The following SPATA6L variants were observed in gnomAD, a reference collection of about 807,000 sequenced individuals.
SPATA6L encodes the protein spermatogenesis associated 6-like protein.
SPATA6L carries 68 observed loss-of-function variants against 49.2 expected under a neutral mutation model. That is an observed-to-expected ratio of 1.38 (90% CI 1.14 to 1.69). The LOEUF is 1.69. Ranked by LOEUF, SPATA6L falls within the 40% of genes most tolerant of loss-of-function variation. The probability of loss-of-function intolerance (pLI) is 0.00; values close to 1 mark genes in which losing one functional copy is unlikely to be tolerated. For missense variants in SPATA6L, 668 were observed against 464.3 expected, an observed-to-expected ratio of 1.44 and a Z score of -4.03; for synonymous variants, 198 against 165.7, an observed-to-expected ratio of 1.19 and a Z score of -1.50.
chr9:4,612,325 C>G (rs748119882), intron 9 of SPATA6L, among the ~76,000 whole-genome samples: 11 of 152,136 alleles, frequency 7.2e-5, no homozygotes, highest in Non-Finnish European at 1.6e-4. Context: ...ATCTCATTTA[C>G]TTTAGGCCAC....
At chr9:4,648,307 C>G (rs1835900564) in intron 3 of SPATA6L, among the ~76,000 whole-genome samples, 1 of 152,144 alleles carries the variant, frequency 6.6e-6, no homozygotes, top group South Asian at 2.1e-4. Flanking sequence ...CAACCATCAC[C>G]CCAATAGTAA....
chr9:4,616,577 C>T (rs140110569), intron 9 of SPATA6L, among the ~76,000 whole-genome samples: 1 of 152,206 alleles, frequency 6.6e-6, no homozygotes, highest in African/African-American at 2.4e-5. Context: ...TGTGCCAGAG[C>T]CAGTTTTTTG....
intron 9 of SPATA6L, among the ~76,000 whole-genome samples, chr9:4,615,560 A>AG (rs1827786338): frequency 6.6e-6 from 1 of 152,142 alleles, no homozygotes; most frequent in African/African-American, 2.4e-5. Context: ...ACCATCTAAC[A>AG]CATATTTAAA....
chr9:4,623,144 G>T (rs966069772), intron 6 of SPATA6L, among the ~76,000 whole-genome samples: 8 of 152,252 alleles, frequency 5.3e-5, no homozygotes, highest in Admixed American at 5.2e-4. Flanking sequence ...GCTGGGCTTG[G>T]TGGCGCATGC....
chr9:4,592,202 C>A (rs545147221), intron 13 of SPATA6L, among the ~76,000 whole-genome samples: 20 of 151,750 alleles, frequency 1.3e-4, no homozygotes, highest in African/African-American at 4.6e-4. Context: ...GTAGTCCCAG[C>A]TACTCGGGAG....
At chr9:4,640,091 A>T (rs1021603281) in intron 3 of SPATA6L, among the ~76,000 whole-genome samples, 2 of 152,252 alleles carry the variant, frequency 1.3e-5, no homozygotes, top group African/African-American at 4.8e-5. Context: ...AAGCCCTGTT[A>T]AGTGAATGGG....
chr9:4,595,200 G>A (rs1278737688), downstream of SPATA6L, among the ~76,000 whole-genome samples: 3 of 152,006 alleles, frequency 2.0e-5, no homozygotes, highest in South Asian at 2.1e-4. Flanking sequence ...CCAGGCCACC[G>A]GACTTAACCA....
chr9:4,601,973 A>G (rs560328084), intron 11 of SPATA6L, among the ~76,000 whole-genome samples: 2 of 152,284 alleles, frequency 1.3e-5, no homozygotes, highest in Admixed American at 6.5e-5. Flanking sequence ...AAGCTTCACT[A>G]AAATGACCCT....
At chr9:4,635,753 A>G (rs1037150866) in intron 3 of SPATA6L, among the ~76,000 whole-genome samples, 5 of 152,270 alleles carry the variant, frequency 3.3e-5, no homozygotes, top group African/African-American at 1.2e-4. Context: ...CAAGGTGGAC[A>G]TAGCATTGTT....
chr9:4,624,293 GA>G (rs1564194098), intron 6 of SPATA6L, among the ~76,000 whole-genome samples: 1 of 152,090 alleles, frequency 6.6e-6, no homozygotes, highest in African/African-American at 2.4e-5. Flanking sequence ...CAACTTTGTG[GA>G]AAAAATAAAG....
At chr9:4,638,781 TTTTCTTTTC>T (rs1420401528) in intron 3 of SPATA6L, among the ~76,000 whole-genome samples, 10 of 140,822 alleles carry the variant, frequency 7.1e-5, no homozygotes, top group African/African-American at 2.8e-4. Flanking sequence ...TTTTCTTTTC[TTTTCTTTTC>T]TTTTTTTTTT....
At chr9:4,650,696 G>C (rs746445873) in intron 3 of SPATA6L, among the ~76,000 whole-genome samples, 1 of 152,132 alleles carries the variant, frequency 6.6e-6, no homozygotes, top group Non-Finnish European at 1.5e-5. Flanking sequence ...GTCTTGCTCT[G>C]TCGCCCAGGC....
intron 5 of SPATA6L, chr9:4,626,500 T>C: frequency 7.7e-7 from 1 of 1,304,396 alleles, no homozygotes; most frequent in African/African-American, 1.5e-5. Flanking sequence ...GTTCAGTTTC[T>C]TCTTTAAGCT....
chr9:4,635,411 A>C lies in SPATA6L; in HGVS notation c.227-12T>G. On this transcript the variant is annotated splice_polypyrimidine_tract_variant and intron_variant, in intron 3 of 11. Coordinates refer to ENST00000682582, the MANE Select transcript of SPATA6L (RefSeq NM_001353486.2). ...CAACTCATCCCACACTAGAAAGAAA[A>C]TAGAAAAAGCATAAATATCTGTATT... The C allele has an allele frequency of 6.4e-7, 1 of 1,572,388 alleles. No individual in the cohort carries two copies.
chr9:4,625,599 A>G lies in SPATA6L; in HGVS notation c.430-33T>C, dbSNP rs759382792. 23 of 1,411,304 alleles carry G rather than the reference A, an allele frequency of 1.6e-5. No homozygotes were observed. The Admixed American group carries it at 5.7e-4, about 35-fold the overall frequency. 87.4% of individuals were successfully genotyped at this position (1,411,304 alleles called of 1,614,324 possible). ...AAACAAAAAAAGAATATTTTTTAAA[A>G]TAAAGAAAGAAAAGAAGAAAATTCA... On this transcript the variant is annotated intron_variant, in intron 5 of 11. Coordinates refer to ENST00000682582, the MANE Select transcript of SPATA6L (RefSeq NM_001353486.2).
intron 7 of SPATA6L, among the ~76,000 whole-genome samples, chr9:4,621,379 A>C (rs565616990): frequency 6.6e-6 from 1 of 152,310 alleles, no homozygotes; most frequent in East Asian, 1.9e-4. Flanking sequence ...ATACTAAGAC[A>C]TGATTTGACT....
At chr9:4,665,642 T>G (rs1450049819) in intron 1 of SPATA6L, among the ~76,000 whole-genome samples, 1 of 152,030 alleles carries the variant, frequency 6.6e-6, no homozygotes, top group Non-Finnish European at 1.5e-5. Context: ...TAAGAGGGAG[T>G]GACAGACCCC....
At chr9:4,622,191 G>C (rs780080010) in intron 7 of SPATA6L, among the ~76,000 whole-genome samples, 41 of 152,316 alleles carry the variant, frequency 2.7e-4, no homozygotes, top group Non-Finnish European at 4.7e-4. Flanking sequence ...CGCTCAGAAC[G>C]GTCCCCTTCA....
At chr9:4,638,373 T>TG (rs1456623342) in intron 3 of SPATA6L, among the ~76,000 whole-genome samples, 2 of 152,018 alleles carry the variant, frequency 1.3e-5, no homozygotes, top group African/African-American at 4.8e-5. Context: ...CCACCAAGCC[T>TG]GGCTAATTTT....
Sources: allele counts gnomAD v4.1 joint callset (sites outside exome capture counted in the v4.1 genomes callset), GRCh38; gene constraint gnomAD v4.1.1; transcripts MANE v1.5; gene names NCBI Gene and HGNC (gene_info 2026-07-23, HGNC 2026-07-21).